The following ACVR2B variants were observed in gnomAD, a reference collection of about 807,000 sequenced individuals.
ACVR2B encodes the protein activin A receptor type 2B.
In ACVR2B, 18 loss-of-function variants were observed where a neutral mutation model predicts 65.1. The observed-to-expected ratio is 0.28, with a 90% CI of 0.19 to 0.41. ACVR2B has a LOEUF of 0.41. Ranked by LOEUF, ACVR2B falls within the 10% of genes least tolerant of loss-of-function variation. ACVR2B has a pLI of 1.00. For synonymous variants in ACVR2B, 298 were observed against 277.7 expected (o/e 1.07, Z -0.73); for missense variants, 482 against 682.7 (o/e 0.71, Z 3.28).
intron 1 of ACVR2B, among the ~76,000 whole-genome samples, chr3:38,456,077 C>T (rs906998881): frequency 6.6e-6 from 1 of 152,234 alleles, no homozygotes; most frequent in East Asian, 1.9e-4. Flanking sequence ...CCTGGAAGGA[C>T]TGTATGTCCT....
chr3:38,457,898 C>T (rs977761687), intron 1 of ACVR2B, among the ~76,000 whole-genome samples: 8 of 152,152 alleles, frequency 5.3e-5, no homozygotes, highest in African/African-American at 9.7e-5. Flanking sequence ...GGCTACAGAG[C>T]CATGGGCCGT....
Position 38,485,271 on chromosome 3 carries a change from A to G in ACVR2B, c.*1939A>G, listed in dbSNP as rs1291906023. ...AACCCCGCTTAAACTTGGTAGAAGG[A>G]TGGCCCTTAGACCTGAATGGGGTGA... On this transcript the variant is annotated 3_prime_UTR_variant, in exon 11 of 11. Transcript: ENST00000352511. 6.6e-6 allele frequency: 1 copy of G among 152,244 alleles called. No homozygotes were observed. The highest frequency in any genetic ancestry group is 2.4e-5 in the African/African-American group (1 of 41,456). The allele number at this position is 152,244 out of a possible 1,614,324, so 9.4% of individuals were successfully genotyped here. A position where few individuals can be genotyped will look rare whatever the true frequency, so the allele number is the denominator to read the frequency against.
chr3:38,489,420 T>C lies in ACVR2B; in HGVS notation c.*6088T>C, dbSNP rs899402866. The C allele has an allele frequency of 2.6e-5, 4 of 152,620 alleles. No homozygotes were observed. In the East Asian group the frequency reaches 7.7e-4, roughly 30 times the overall value. 9.5% of individuals were successfully genotyped at this position (152,620 alleles called of 1,614,324 possible). ...AGAGAAACGTACACTGGAGCATGAG[T>C]GGTGTGGAACTTTTACTTAGTGTTT... On this transcript the variant is annotated 3_prime_UTR_variant, in exon 11 of 11. Transcript: ENST00000352511.
chr3:38,472,126 T>C (rs1709828551), intron 1 of ACVR2B, among the ~76,000 whole-genome samples: 1 of 152,226 alleles, frequency 6.6e-6, no homozygotes, highest in Non-Finnish European at 1.5e-5. Context: ...CACTCCAGCC[T>C]TCCTTCCTGG....
At position 38,487,750 on chromosome 3, in the gene ACVR2B, A is replaced by G. The variant is rs1156585591; in HGVS notation, c.*4418A>G. On this transcript the variant is annotated 3_prime_UTR_variant, in exon 11 of 11. Coordinates refer to ENST00000352511, the MANE Select transcript of ACVR2B (RefSeq NM_001106.4). ...ACACAAAGATTTGCTGGTTTTTAAA[A>G]TAATACAGTAAGCATAAGTATGTAA... is the stretch of plus-strand genomic sequence containing the variant. The G allele has an allele frequency of 3.3e-5, 5 of 152,260 alleles. No homozygotes were observed. Among genetic ancestry groups the G allele is most frequent in the African/African-American group, 9.6e-5 (4 of 41,472 alleles). 9.4% of individuals were successfully genotyped at this position (152,260 alleles called of 1,614,324 possible). A position where few individuals can be genotyped will look rare whatever the true frequency, so the allele number is the denominator to read the frequency against.
intron 1 of ACVR2B, among the ~76,000 whole-genome samples, chr3:38,463,996 G>A (rs1290850038): frequency 1.3e-5 from 2 of 152,150 alleles, no homozygotes; most frequent in Non-Finnish European, 2.9e-5. Context: ...TGGACTGGAG[G>A]CCCACCTTTA....
Position 38,482,191 on chromosome 3 carries a change from C to T in ACVR2B, c.1075-7C>T, listed in dbSNP as rs751584141. 6.2e-7 allele frequency: 1 copy of T among 1,613,746 alleles called. No individual in the cohort carries two copies. The highest frequency in any genetic ancestry group is 1.1e-5 in the South Asian group (1 of 91,044). ...TGTAAATCCTGCCCTCCTCTGTCCT[C>T]ACATAGGTAGGCACGAGACGGTACA... is the stretch of plus-strand genomic sequence containing the variant. On this transcript the variant is annotated splice_polypyrimidine_tract_variant and splice_region_variant and intron_variant, in intron 8 of 10. Coordinates refer to ENST00000352511, the MANE Select transcript of ACVR2B (RefSeq NM_001106.4).
rs1710113138 is a variant in ACVR2B, at chr3:38,485,948, CT to C, written c.*2617del. 1 of 152,572 alleles carries C rather than the reference CT, an allele frequency of 6.6e-6. No homozygotes were observed. Among genetic ancestry groups the C allele is most frequent in the East Asian group, 1.9e-4 (1 of 5,194 alleles). The allele number at this position is 152,572 out of a possible 1,614,324, so 9.5% of individuals were successfully genotyped here. On this transcript the variant is annotated 3_prime_UTR_variant, in exon 11 of 11. Transcript: ENST00000352511. Reference sequence around the variant, plus strand: ...CTGCAGGAATAGTTAGGTCATGATACTACCTGAACACTAAACCCCAGCCTCT... The same window carrying C: ...CTGCAGGAATAGTTAGGTCATGATACACCTGAACACTAAACCCCAGCCTCT...
At chr3:38,471,389 T>C (rs1185962205) in intron 1 of ACVR2B, among the ~76,000 whole-genome samples, 1 of 152,220 alleles carries the variant, frequency 6.6e-6, no homozygotes, top group Non-Finnish European at 1.5e-5. Context: ...GTGGGGGCTG[T>C]CATCTGTTGG....
intron 7 of ACVR2B, 85 bp downstream of exon 7, chr3:38,479,911 C>T: frequency 6.6e-7 from 1 of 1,512,532 alleles, no homozygotes. Context: ...CTGGAGATGT[C>T]TCAACTTCCT....
At chr3:38,480,338 T>TG (rs1393772399) in intron 7 of ACVR2B, among the ~76,000 whole-genome samples, 1 of 152,208 alleles carries the variant, frequency 6.6e-6, no homozygotes, top group African/African-American at 2.4e-5. Context: ...AGAGATCTTC[T>TG]GGGGTCCTCG....
chr3:38,478,005 A>G (rs747983244), intron 3 of ACVR2B, 35 bp downstream of exon 3: 2 of 1,610,708 alleles, frequency 1.2e-6, no homozygotes, highest in Middle Eastern at 1.7e-4. Flanking sequence ...GCCTTGAGTC[A>G]GCCGACCTGG....
chr3:38,456,439 G>A lies in ACVR2B; in HGVS notation c.52+2065G>A, dbSNP rs554329895. On this transcript the variant is annotated intron_variant, in intron 1 of 10. Coordinates refer to ENST00000352511, the MANE Select transcript of ACVR2B (RefSeq NM_001106.4). ...AAGAGTGCTGTGTGACAGAAATAGT[G>A]TATGAACTATGGATAGATATAAAAC... Among the ~76,000 whole-genome samples the A allele has an allele frequency of 9.3e-4, 141 of 152,348 alleles. 1 individual carries two copies. The highest frequency in any genetic ancestry group is 3.3e-3 in the African/African-American group (139 of 41,582).
Position 38,493,064 on chromosome 3 carries a change from C to T in ACVR2B, c.*9732C>T, listed in dbSNP as rs1259117703. 1 of 152,290 alleles carries T rather than the reference C, an allele frequency of 6.6e-6. No individual in the cohort carries two copies. The highest frequency in any genetic ancestry group is 1.5e-5 in the Non-Finnish European group (1 of 67,988). The allele number at this position is 152,290 out of a possible 1,614,324, so 9.4% of individuals were successfully genotyped here. On this transcript the variant is annotated 3_prime_UTR_variant, in exon 11 of 11. Coordinates refer to ENST00000352511, the MANE Select transcript of ACVR2B (RefSeq NM_001106.4). ...CCCCTGTGTGAAGAAGCAGTTACACCCCAACAATAGGAGGAAAAATCTAGA... is the reference window on the plus strand; with the variant it reads ...CCCCTGTGTGAAGAAGCAGTTACACTCCAACAATAGGAGGAAAAATCTAGA...
At chr3:38,478,623 T>G in intron 5 of ACVR2B, 105 bp downstream of exon 5, 1 of 1,532,164 alleles carries the variant, frequency 6.5e-7, no homozygotes, top group Non-Finnish European at 8.9e-7. Flanking sequence ...TATTGTGGTA[T>G]GAGAGAAAAG....
rs1188517675 is a variant in ACVR2B at position 38,484,242 on chromosome 3, A to C, written c.*910A>C. On this transcript the variant is annotated 3_prime_UTR_variant, in exon 11 of 11. Coordinates refer to ENST00000352511, the MANE Select transcript of ACVR2B (RefSeq NM_001106.4). ...ACATTTTTTCTGCCCTAATTTTAAA[A>C]CTAGGTGAGGGTAGAATCATCACAG... 2 of 152,314 alleles carry C rather than the reference A, an allele frequency of 1.3e-5. No individual in the cohort carries two copies. The highest frequency in any genetic ancestry group is 2.9e-5 in the Non-Finnish European group (2 of 68,042). The allele number at this position is 152,314 out of a possible 1,614,324, so 9.4% of individuals were successfully genotyped here.
At chr3:38,467,350 G>A (rs1317027198) in intron 1 of ACVR2B, among the ~76,000 whole-genome samples, 2 of 152,134 alleles carry the variant, frequency 1.3e-5, no homozygotes, top group African/African-American at 4.8e-5. Flanking sequence ...GGCTGAGGCA[G>A]GAGAATCACT....
At position 38,483,039 on chromosome 3, in the gene ACVR2B, C is replaced by T; in HGVS notation, c.1345-99C>T. 1 of 1,427,992 alleles carries T rather than the reference C, an allele frequency of 7.0e-7. No individual in the cohort carries two copies. The highest frequency in any genetic ancestry group is 9.9e-7 in the Non-Finnish European group (1 of 1,014,332). 88.5% of individuals were successfully genotyped at this position (1,427,992 alleles called of 1,614,324 possible). On this transcript the variant is annotated intron_variant, in intron 10 of 10. Coordinates refer to ENST00000352511, the MANE Select transcript of ACVR2B (RefSeq NM_001106.4). The surrounding 1 kb of genome is among the most constrained non-coding windows in gnomAD (Gnocchi z 4.8). The stretch of plus-strand genomic sequence containing the variant: ...CTGTGGTTGGGGCTGGTGGGCTCTG[C>T]CTGATCCTTGGGAATATCAAGTTTA...
At position 38,483,287 on chromosome 3, in the gene ACVR2B, C is replaced by T. The variant is rs866435313; in HGVS notation, c.1494C>T (p.Thr498=). Residue 498 remains threonine, a synonymous_variant, in exon 11 of 11, where the codon ACC becomes ACT. Transcript: ENST00000352511. This position sits in a 1 kb window ranked among gnomAD's most constrained non-coding sequence, Gnocchi z 4.8. ...TTSDCLVSLV[T]SVTNVDLPPK... ...CGGACTGTCTCGTTTCCCTGGTGAC[C>T]TCTGTCACCAATGTGGACCTGCCCC... 6 of 1,614,048 alleles carry T rather than the reference C, an allele frequency of 3.7e-6. 1 individual carries two copies. The Middle Eastern group carries it at 9.9e-4, about 266-fold the overall frequency.
Sources: gnomAD v4.1 joint callset for allele counts (sites outside exome capture counted in the v4.1 genomes callset) on GRCh38, gnomAD v4.1.1 for gene constraint, Gnocchi (gnomAD v3.1) non-coding constraint, MANE v1.5 for transcripts, NCBI Gene and HGNC (gene_info 2026-07-23, HGNC 2026-07-21) for gene names.